AUTS2: variants seen among roughly 807,000 people sequenced by gnomAD.
The protein encoded by AUTS2 is autism susceptibility gene 2 protein.
In AUTS2, 17 loss-of-function variants were observed where a neutral mutation model predicts 112.4. The observed-to-expected ratio is 0.15, with a 90% confidence interval of 0.10 to 0.23. The LOEUF (loss-of-function observed/expected upper bound fraction) is 0.23, where lower values mean the gene tolerates loss of function less well. AUTS2 is among the 10% of genes least tolerant of loss of function. The pLI, the probability that AUTS2 is intolerant of heterozygous loss-of-function variation, is 1.00. For missense variants in AUTS2, 1,510 were observed against 1,701.6 expected, an observed-to-expected ratio of 0.89 and a Z score of 1.98; for synonymous variants, 751 against 702.7, an observed-to-expected ratio of 1.07 and a Z score of -1.09.
At chr7:69,975,984 T>TA (rs958281126) in intron 2 of AUTS2, among the ~76,000 whole-genome samples, 15 of 152,000 alleles carry the variant, frequency 9.9e-5, no homozygotes, top group African/African-American at 1.7e-4. Context: ...AGCTGATTTT[T>TA]AAAAAAAATG....
intron 1 of AUTS2, among the ~76,000 whole-genome samples, chr7:69,864,279 C>T (rs1328286799): frequency 1.3e-5 from 2 of 152,014 alleles, no homozygotes; most frequent in Non-Finnish European, 2.9e-5. Flanking sequence ...TTTTTTCCCC[C>T]TACGGTGCAG....
chr7:69,932,776 C>T lies in AUTS2; in HGVS notation c.522+33278C>T, dbSNP rs528866726. The stretch of plus-strand genomic sequence containing the variant: ...AACAAATAATTGTTACATTCAAATC[C>T]AGATTTATGAGTGTACGATAGTGGC... On this transcript the variant is annotated intron_variant, in intron 2 of 18. Transcript: ENST00000342771. Among the ~76,000 whole-genome samples the T allele has an allele frequency of 3.3e-5, 5 of 152,258 alleles. No individual in the cohort carries two copies. The South Asian group carries it at 1.0e-3, about 32-fold the overall frequency.
In AUTS2 at chr7:70,772,843, T is replaced by C. The variant is rs905414802; in HGVS notation, c.1831-1185T>C. ...TGATTTTAAACTCCTTCCCCCAGTC[T>C]GCACCTCACTACTCCCTCAGACCCT... On this transcript the variant is annotated intron_variant, in intron 11 of 18. Coordinates refer to ENST00000342771, the MANE Select transcript of AUTS2 (RefSeq NM_015570.4). 3.3e-5 allele frequency among the ~76,000 whole-genome samples: 5 copies of C among 152,266 alleles called. No homozygotes were observed. The South Asian group carries it at 6.2e-4, about 19-fold the overall frequency.
At chr7:69,652,531 A>AT (rs1413063742) in intron 1 of AUTS2, among the ~76,000 whole-genome samples, 1 of 151,322 alleles carries the variant, frequency 6.6e-6, no homozygotes, top group Admixed American at 6.6e-5. Flanking sequence ...CTTAGCTGTC[A>AT]TTTTTTGAGT....
At chr7:70,762,756 T>C (rs564448184) in intron 6 of AUTS2, 114 bp from the exon 7 acceptor site, 12 of 796,464 alleles carry the variant, frequency 1.5e-5, no homozygotes, top group African/African-American at 1.2e-4. Flanking sequence ...CCAGGAGGGT[T>C]GGTGCCAGGT....
intron 1 of AUTS2, among the ~76,000 whole-genome samples, chr7:69,846,286 G>A (rs1792197876): frequency 6.6e-6 from 1 of 152,130 alleles, no homozygotes; most frequent in Non-Finnish European, 1.5e-5. Context: ...GACCACATTA[G>A]CCTTTTTGGC....
At chr7:70,021,297 C>T (rs1800261861) in intron 2 of AUTS2, among the ~76,000 whole-genome samples, 1 of 152,184 alleles carries the variant, frequency 6.6e-6, no homozygotes, top group African/African-American at 2.4e-5. Flanking sequence ...CTTTTCTTGA[C>T]TCCACTTAAG....
At chr7:69,610,415 T>G (rs1562756679) in intron 1 of AUTS2, among the ~76,000 whole-genome samples, 1 of 152,240 alleles carries the variant, frequency 6.6e-6, no homozygotes, top group Non-Finnish European at 1.5e-5. Context: ...TTGGATCAAA[T>G]GCACTAGGGG....
intron 5 of AUTS2, among the ~76,000 whole-genome samples, chr7:70,549,841 A>T (rs551169580): frequency 1.3e-5 from 2 of 152,354 alleles, no homozygotes; most frequent in Admixed American, 1.3e-4. Context: ...GGTAGACACC[A>T]CACACTCTCC....
At chr7:70,223,934 G>C (rs1811618119) in intron 4 of AUTS2, among the ~76,000 whole-genome samples, 1 of 150,616 alleles carries the variant, frequency 6.6e-6, no homozygotes, top group African/African-American at 2.4e-5. Context: ...CCTGGGCTCA[G>C]TGGTCCTCTT....
intron 4 of AUTS2, among the ~76,000 whole-genome samples, chr7:70,309,006 C>T (rs1380329248): frequency 6.6e-6 from 1 of 152,162 alleles, no homozygotes; most frequent in East Asian, 1.9e-4. Flanking sequence ...TTAATTACCA[C>T]TGCTTTTAAG....
chr7:69,828,682 A>G (rs1014511853), intron 1 of AUTS2, among the ~76,000 whole-genome samples: 3 of 152,236 alleles, frequency 2.0e-5, no homozygotes, highest in African/African-American at 4.8e-5. Context: ...GACACACACA[A>G]TTAACATAGA....
At chr7:69,609,051 G>A (rs958377051) in intron 1 of AUTS2, among the ~76,000 whole-genome samples, 1 of 152,222 alleles carries the variant, frequency 6.6e-6, no homozygotes, top group Non-Finnish European at 1.5e-5. Flanking sequence ...CAGAGGCACA[G>A]ATGTTGTCTT....
At chr7:70,583,101 C>T (rs991161592) in intron 5 of AUTS2, among the ~76,000 whole-genome samples, 3 of 152,192 alleles carry the variant, frequency 2.0e-5, no homozygotes, top group East Asian at 3.8e-4. Flanking sequence ...ACCTTGGGGC[C>T]GCCCCTGGCT....
intron 1 of AUTS2, among the ~76,000 whole-genome samples, chr7:69,815,025 A>G (rs1790697404): frequency 6.6e-6 from 1 of 152,232 alleles, no homozygotes; most frequent in South Asian, 2.1e-4. Context: ...GTGATGCCTC[A>G]GTTGTAAATT....
chr7:70,412,203 T>C (rs1397001558), intron 4 of AUTS2, among the ~76,000 whole-genome samples: 1 of 152,190 alleles, frequency 6.6e-6, no homozygotes, highest in Non-Finnish European at 1.5e-5. Flanking sequence ...CCAAACTCTT[T>C]CCTTTGGTGT....
intron 5 of AUTS2, among the ~76,000 whole-genome samples, chr7:70,593,534 C>T (rs1032841835): frequency 1.3e-5 from 2 of 151,872 alleles, no homozygotes; most frequent in South Asian, 2.1e-4. Context: ...CAGTGATGTC[C>T]GAGGCCAAGG....
At chr7:70,089,040 C>T (rs763630401) in intron 2 of AUTS2, among the ~76,000 whole-genome samples, 5 of 152,086 alleles carry the variant, frequency 3.3e-5, no homozygotes, top group African/African-American at 4.8e-5. Context: ...GTAAATATTC[C>T]ATGTGTGCTT....
chr7:69,824,066 G>A (rs966779222), intron 1 of AUTS2, among the ~76,000 whole-genome samples: 1 of 152,120 alleles, frequency 6.6e-6, no homozygotes, highest in African/African-American at 2.4e-5. Flanking sequence ...GATATTGTGA[G>A]ATTGAATGAT....
Sources: gnomAD v4.1 joint callset for allele counts (sites outside exome capture counted in the v4.1 genomes callset) on GRCh38, gnomAD v4.1.1 for gene constraint, MANE v1.5 for transcripts, NCBI Gene and HGNC (gene_info 2026-07-23, HGNC 2026-07-21) for gene names.